The following RPS6KA5 variants were observed in gnomAD, a reference collection of about 807,000 sequenced individuals.
RPS6KA5 encodes ribosomal protein S6 kinase A5, also known as ribosomal protein S6 kinase alpha-5.
A neutral mutation model predicts 85.5 loss-of-function variants in RPS6KA5; 27 were observed. That is an observed-to-expected ratio of 0.32 (90% CI 0.23 to 0.44). RPS6KA5 has a LOEUF of 0.44. Ranked by LOEUF, RPS6KA5 falls within the 20% of genes least tolerant of loss-of-function variation. The pLI is 1.00. For missense variants in RPS6KA5, 811 were observed against 980.9 expected (o/e 0.83, Z 2.31); for synonymous variants, 334 against 348.2 (o/e 0.96, Z 0.46).
chr14:90,934,110 A>C (rs1189144472), intron 5 of RPS6KA5, among the ~76,000 whole-genome samples: 1 of 152,052 alleles, frequency 6.6e-6, no homozygotes, highest in African/African-American at 2.4e-5. Flanking sequence ...AGAAATACTT[A>C]TTTCTTATTG....
intron 1 of RPS6KA5, among the ~76,000 whole-genome samples, chr14:91,044,876 A>AG (rs1307973717): frequency 6.6e-6 from 1 of 152,026 alleles, no homozygotes; most frequent in African/African-American, 2.4e-5. Context: ...TCAAAAAAAA[A>AG]AAAAAGAAAA....
intron 15 of RPS6KA5, among the ~76,000 whole-genome samples, chr14:90,874,272 T>C (rs2033309673): frequency 6.6e-6 from 1 of 152,174 alleles, no homozygotes; most frequent in South Asian, 2.1e-4. Context: ...ATAAGTGCGA[T>C]AGCAAGATAC....
chr14:91,037,444 G>T (rs2042448849), intron 1 of RPS6KA5, among the ~76,000 whole-genome samples: 1 of 152,128 alleles, frequency 6.6e-6, no homozygotes, highest in Non-Finnish European at 1.5e-5. Flanking sequence ...TCATTGCTAT[G>T]GATACTAGGG....
At chr14:90,986,824 C>T (rs1407277671) in intron 2 of RPS6KA5, among the ~76,000 whole-genome samples, 2 of 152,208 alleles carry the variant, frequency 1.3e-5, no homozygotes, top group Non-Finnish European at 2.9e-5. Flanking sequence ...CAAAACTTCC[C>T]ATGAGTCCAG....
At position 90,903,833 on chromosome 14, in the gene RPS6KA5, A is replaced by G. The variant is rs542510304; in HGVS notation, c.958-864T>C. Among the ~76,000 whole-genome samples the G allele has an allele frequency of 4.6e-5, 7 of 152,358 alleles. No homozygotes were observed. The East Asian group carries it at 7.7e-4, about 17-fold the overall frequency. The stretch of plus-strand genomic sequence containing the variant: ...CATTAAGAAGAAAAAAGTATTAATC[A>G]TAAGAATATAAGATGATGGCCACTG... On this transcript the variant is annotated intron_variant, in intron 8 of 16. Transcript: ENST00000614987.
chr14:90,956,296 C>T (rs1192825222), intron 3 of RPS6KA5, among the ~76,000 whole-genome samples: 2 of 152,046 alleles, frequency 1.3e-5, no homozygotes, highest in Admixed American at 1.3e-4. Flanking sequence ...TTTTAAATCT[C>T]TACTAGCATT....
At chr14:90,890,758 T>C (rs187968453) in intron 13 of RPS6KA5, 80 bp from the exon 14 acceptor site, 6 of 1,285,452 alleles carry the variant, frequency 4.7e-6, no homozygotes, top group Admixed American at 1.9e-5. Context: ...TAACACTTTG[T>C]ATATTGATAG....
At position 90,978,517 on chromosome 14, in the gene RPS6KA5, T is replaced by C; in HGVS notation, c.183A>G (p.Gly61=). 6.3e-7 allele frequency: 1 copy of C among 1,577,974 alleles called. No individual in the cohort carries two copies. The highest frequency in any genetic ancestry group is 8.6e-7 in the Non-Finnish European group (1 of 1,162,028). Residue 61 remains glycine (G), a synonymous_variant, in exon 3 of 17, where the codon GGA becomes GGG. Transcript: ENST00000614987. Reference sequence around the variant, plus strand: ...TTATTTTACGAACTAGAAATACTTTTCCATAAGCTGAAAATGAAAAGAAAA... The same window carrying C: ...TTATTTTACGAACTAGAAATACTTTCCCATAAGCTGAAAATGAAAAGAAAA... ...LLKVLGTGAY[G]KVFLVRKISG...
At chr14:91,021,513 C>T (rs914332896) in intron 1 of RPS6KA5, among the ~76,000 whole-genome samples, 1 of 152,086 alleles carries the variant, frequency 6.6e-6, no homozygotes, top group East Asian at 1.9e-4. Flanking sequence ...TGGTGGTTCT[C>T]GCGATTCTCC....
intron 1 of RPS6KA5, among the ~76,000 whole-genome samples, chr14:91,004,649 G>A (rs930420027): frequency 1.3e-5 from 2 of 151,946 alleles, no homozygotes; most frequent in African/African-American, 4.8e-5. Context: ...ACATAGTCAT[G>A]GAGCCACCAC....
chr14:90,891,412 T>C (rs2034550017), intron 13 of RPS6KA5, among the ~76,000 whole-genome samples: 1 of 152,060 alleles, frequency 6.6e-6, no homozygotes, highest in African/African-American at 2.4e-5. Context: ...TCTTGATCAC[T>C]AAGACTCTGT....
chr14:91,039,835 G>A (rs981413265), intron 1 of RPS6KA5, among the ~76,000 whole-genome samples: 2 of 152,106 alleles, frequency 1.3e-5, no homozygotes, highest in South Asian at 2.1e-4. Context: ...TCACATAGGT[G>A]TGCTGTGAAA....
intron 1 of RPS6KA5, among the ~76,000 whole-genome samples, chr14:91,038,701 A>G (rs1288996069): frequency 6.6e-6 from 1 of 152,202 alleles, no homozygotes; most frequent in African/African-American, 2.4e-5. Flanking sequence ...ACCAGCACCA[A>G]TCTTTAGCCA....
intron 1 of RPS6KA5, chr14:91,052,284 C>CT (rs2043113223): frequency 2.4e-5 from 5 of 206,554 alleles, no homozygotes; most frequent in Middle Eastern, 1.7e-3. Flanking sequence ...CCCATCTCTA[C>CT]TAAAAAAAAA....
chr14:90,982,285 CA>C (rs5810527), intron 2 of RPS6KA5, among the ~76,000 whole-genome samples: 101,891 of 144,720 alleles, frequency 0.7, 35,018 homozygotes, highest in East Asian at 0.87. Context: ...ATTCCTTTGG[CA>C]AAAAAAAAAA....
intron 3 of RPS6KA5, among the ~76,000 whole-genome samples, chr14:90,957,595 G>A (rs1039029661): frequency 6.6e-6 from 1 of 152,064 alleles, no homozygotes; most frequent in East Asian, 1.9e-4. Context: ...TTGCTGGCTG[G>A]TCGCTATTTT....
intron 1 of RPS6KA5, among the ~76,000 whole-genome samples, chr14:91,055,360 CAAAA>C (rs2043271269): frequency 6.6e-6 from 1 of 152,152 alleles, no homozygotes; most frequent in Non-Finnish European, 1.5e-5. Context: ...TTACAATAGC[CAAAA>C]GGTGGAAACA....
chr14:90,964,929 A>AAAAAAAAAC (rs1566801436), intron 3 of RPS6KA5, among the ~76,000 whole-genome samples: 1 of 148,562 alleles, frequency 6.7e-6, no homozygotes, highest in African/African-American at 2.5e-5. Context: ...AAAAAAAAAA[A>AAAAAAAAAC]AAAAAACCAA....
chr14:91,045,453 G>A (rs2042831500), intron 1 of RPS6KA5, among the ~76,000 whole-genome samples: 1 of 152,024 alleles, frequency 6.6e-6, no homozygotes, highest in Non-Finnish European at 1.5e-5. Context: ...TAGTAGAGAT[G>A]GGGTTTCGCC....
Sources: gnomAD v4.1 joint callset for allele counts (sites outside exome capture counted in the v4.1 genomes callset) on GRCh38, gnomAD v4.1.1 for gene constraint, MANE v1.5 for transcripts, NCBI Gene and HGNC (gene_info 2026-07-23, HGNC 2026-07-21) for gene names.